The following DIAPH2 variants were observed in gnomAD, a reference collection of about 807,000 sequenced individuals.
The protein encoded by DIAPH2 is diaphanous related formin 2, also known as protein diaphanous homolog 2.
DIAPH2 carries 35 observed loss-of-function variants against 92.7 expected under a neutral mutation model. The ratio of observed to expected loss-of-function variants is 0.38; its 90% confidence interval spans 0.29 to 0.50. The LOEUF (loss-of-function observed/expected upper bound fraction) is 0.50. Ranked by LOEUF, DIAPH2 falls within the 20% of genes least tolerant of loss-of-function variation. The pLI, the probability that DIAPH2 is intolerant of heterozygous loss-of-function variation, is 0.94. For missense variants in DIAPH2, 701 were observed against 819.5 expected (o/e 0.86, Z 1.77); for synonymous variants, 301 against 280.4 (o/e 1.07, Z -0.73).
chrX:97,573,636 TG>T (rs1230339982), intron 26 of DIAPH2, among the ~76,000 whole-genome samples: 8 of 109,193 alleles, frequency 7.3e-5, no homozygotes, highest in Non-Finnish European at 1.5e-4. Context: ...GTATCAAGCA[TG>T]TTTTTTTGGG....
At chrX:96,867,630 T>TA (rs2065113697) in intron 4 of DIAPH2, among the ~76,000 whole-genome samples, 1 of 111,941 alleles carries the variant, frequency 8.9e-6, no homozygotes, top group Non-Finnish European at 1.9e-5. Flanking sequence ...ATGAATTATT[T>TA]ATCACAAAAG....
chrX:96,969,604 G>A (rs1434335510), intron 17 of DIAPH2, among the ~76,000 whole-genome samples: 1 of 111,000 alleles, frequency 9.0e-6, no homozygotes, highest in Admixed American at 9.6e-5. Flanking sequence ...AAACTTTACT[G>A]AAATTTTTTA....
intron 13 of DIAPH2, among the ~76,000 whole-genome samples, chrX:96,942,707 A>G (rs1464514387): frequency 9.0e-6 from 1 of 111,270 alleles, no homozygotes; most frequent in Non-Finnish European, 1.9e-5. Context: ...ATATCATCCT[A>G]GACTGGTAGT....
chrX:97,173,625 G>A (rs2067469867), intron 22 of DIAPH2, among the ~76,000 whole-genome samples: 1 of 111,384 alleles, frequency 9.0e-6, no homozygotes, highest in Admixed American at 9.6e-5. Flanking sequence ...TGAAAAAAGG[G>A]CTGGACCTGG....
intron 4 of DIAPH2, chrX:96,793,553 C>T (rs1437058399): frequency 3.8e-5 from 14 of 366,390 alleles, no homozygotes; most frequent in Non-Finnish European, 7.4e-5. Flanking sequence ...GGTCTATGTG[C>T]TAGCATATTC....
At position 97,034,351 on chromosome X, in the gene DIAPH2, T is replaced by C. The variant is rs990566394; in HGVS notation, c.2051-38590T>C. Among the ~76,000 whole-genome samples, 10 of 110,900 alleles carry C rather than the reference T, an allele frequency of 9.0e-5. No homozygotes were observed. In the Admixed American group the frequency reaches 9.6e-4, roughly 11 times the overall value. Reference sequence around the variant, plus strand: ...TGTGAGTAGAAACGTATGTATGATATAGAGTGATCTTTAAAATAATCTACA... The same window carrying C: ...TGTGAGTAGAAACGTATGTATGATACAGAGTGATCTTTAAAATAATCTACA... On this transcript the variant is annotated intron_variant, in intron 17 of 26. Transcript: ENST00000324765.
chrX:97,512,109 G>T (rs1182431174), intron 26 of DIAPH2, among the ~76,000 whole-genome samples: 1 of 112,791 alleles, frequency 8.9e-6, no homozygotes, highest in Non-Finnish European at 1.9e-5. Context: ...TGTACCTCTG[G>T]TAGAATTCGG....
In DIAPH2 at chrX:97,599,765, A is replaced by C. The variant is rs964123189; in HGVS notation, c.*448A>C. On this transcript the variant is annotated 3_prime_UTR_variant, in exon 27 of 27. Coordinates refer to ENST00000324765, the MANE Select transcript of DIAPH2 (RefSeq NM_006729.5). ...AGTACATATATAATAGAAAAGGGCC[A>C]AGAAAAATATGCATCTTGATTTGGA... 1 of 113,620 alleles carries C rather than the reference A, an allele frequency of 8.8e-6. No homozygotes were observed. The highest frequency in any genetic ancestry group is 3.2e-5 in the African/African-American group (1 of 31,004). The allele number at this position is 113,620 out of a possible 1,213,427, so 9.4% of individuals were successfully genotyped here.
At chrX:96,811,192 A>G (rs759481288) in intron 4 of DIAPH2, among the ~76,000 whole-genome samples, 37 of 111,127 alleles carry the variant, frequency 3.3e-4, no homozygotes, top group African/African-American at 1.1e-3. Context: ...CTTTTATTTC[A>G]TTGAGCGGTG....
intron 26 of DIAPH2, among the ~76,000 whole-genome samples, chrX:97,593,898 T>C (rs1169965293): frequency 3.6e-5 from 4 of 111,535 alleles, no homozygotes; most frequent in African/African-American, 1.3e-4. Context: ...ATGAATCAGA[T>C]GCAATTTTTT....
chrX:97,283,798 C>T (rs938764434), intron 23 of DIAPH2, among the ~76,000 whole-genome samples: 1 of 111,941 alleles, frequency 8.9e-6, no homozygotes, highest in African/African-American at 3.2e-5. Flanking sequence ...CAAAATTAGC[C>T]AGATGTGGTG....
intron 22 of DIAPH2, among the ~76,000 whole-genome samples, chrX:97,234,369 C>T (rs1160114428): frequency 2.8e-5 from 3 of 108,166 alleles, no homozygotes; most frequent in African/African-American, 1.0e-4. Flanking sequence ...AATCCAGAGG[C>T]CTGGTGGTGT....
chrX:96,795,289 G>T (rs1434288530), intron 4 of DIAPH2, among the ~76,000 whole-genome samples: 7 of 110,671 alleles, frequency 6.3e-5, no homozygotes, highest in Non-Finnish European at 1.1e-4. Flanking sequence ...AAAATTTGAG[G>T]GAAAAGTGAT....
At chrX:97,022,076 A>G (rs1439035828) in intron 17 of DIAPH2, among the ~76,000 whole-genome samples, 2 of 112,142 alleles carry the variant, frequency 1.8e-5, no homozygotes, top group Non-Finnish European at 3.8e-5. Context: ...GATAGAGAGT[A>G]GGATCTATTA....
chrX:97,365,537 C>G (rs1254859273), intron 24 of DIAPH2, among the ~76,000 whole-genome samples: 1 of 111,071 alleles, frequency 9.0e-6, no homozygotes, highest in Non-Finnish European at 1.9e-5. Context: ...AGTCTCCCTT[C>G]TACCTGGTGA....
intron 15 of DIAPH2, among the ~76,000 whole-genome samples, chrX:96,954,703 G>T (rs2065798957): frequency 8.9e-6 from 1 of 112,114 alleles, no homozygotes; most frequent in African/African-American, 3.2e-5. Context: ...TTTAAGCAGT[G>T]AAATAAAGGT....
chrX:96,715,561 G>A (rs925806227), intron 1 of DIAPH2, among the ~76,000 whole-genome samples: 5 of 111,829 alleles, frequency 4.5e-5, no homozygotes, highest in African/African-American at 1.3e-4. Flanking sequence ...ATTACACAGT[G>A]AAGATTTATT....
chrX:97,101,505 T>C (rs1463173235), intron 20 of DIAPH2, among the ~76,000 whole-genome samples: 1 of 110,737 alleles, frequency 9.0e-6, no homozygotes, highest in African/African-American at 3.3e-5. Context: ...CATTCTTAGC[T>C]ACATGTCTGG....
chrX:97,152,048 G>A (rs1006227489), intron 22 of DIAPH2, among the ~76,000 whole-genome samples: 1 of 111,627 alleles, frequency 9.0e-6, no homozygotes, highest in African/African-American at 3.3e-5. Flanking sequence ...ATGGAAATAG[G>A]TGGAATCCAG....
Sources: gnomAD v4.1 joint callset for allele counts (sites outside exome capture counted in the v4.1 genomes callset) on GRCh38, gnomAD v4.1.1 for gene constraint, MANE v1.5 for transcripts, NCBI Gene and HGNC (gene_info 2026-07-23, HGNC 2026-07-21) for gene names.